The following PPAT variants were observed in gnomAD, a reference collection of about 807,000 sequenced individuals.
PPAT encodes the protein phosphoribosyl pyrophosphate amidotransferase, also known as amidophosphoribosyltransferase.
A neutral mutation model predicts 60.2 loss-of-function variants in PPAT; 20 were observed. That is an observed-to-expected ratio of 0.33 (90% CI 0.23 to 0.48). The LOEUF (loss-of-function observed/expected upper bound fraction) is 0.48. PPAT is among the 20% of genes least tolerant of loss of function. The pLI is 0.99. For missense variants in PPAT, 349 were observed against 629.6 expected (o/e 0.55, Z 4.77); for synonymous variants, 194 against 215.1 (o/e 0.90, Z 0.86).
intron 1 of PPAT, among the ~76,000 whole-genome samples, chr4:56,408,628 C>A (rs1716312152): frequency 6.6e-6 from 1 of 151,100 alleles, no homozygotes; most frequent in African/African-American, 2.4e-5. Context: ...GTGGCGGGCG[C>A]CTGTCGTCCC....
rs996057250 is a variant in PPAT, at chr4:56,402,168, T to C, written c.675A>G (p.Ser225=). ...SDINDKEKKT[S]ETEGWVVSSE... The stretch of plus-strand genomic sequence containing the variant: ...AAGACACCACCCATCCTTCTGTTTC[T>C]GATGTTTTTTTCTCTGTAAATCACA... Residue 225 remains serine, a synonymous_variant, in exon 6 of 11, where the codon TCA becomes TCG. Transcript: ENST00000264220. 12 of 1,605,752 alleles carry C rather than the reference T, an allele frequency of 7.5e-6. No homozygotes were observed. The Admixed American group carries it at 1.7e-4, about 22-fold the overall frequency.
At chr4:56,425,522 C>A in intron 1 of PPAT, 1 of 218,952 alleles carries the variant, frequency 4.6e-6, no homozygotes, top group Non-Finnish European at 7.7e-6. Flanking sequence ...CTAATTTGTA[C>A]TGTTGGTAAT....
chr4:56,434,062 G>C (rs192883084), intron 1 of PPAT, among the ~76,000 whole-genome samples: 14 of 151,976 alleles, frequency 9.2e-5, no homozygotes, highest in African/African-American at 3.4e-4. Context: ...TTTCTCCTTG[G>C]ATTACGTAAC....
At chr4:56,397,849 T>C (rs917223226) in intron 9 of PPAT, among the ~76,000 whole-genome samples, 1 of 152,054 alleles carries the variant, frequency 6.6e-6, no homozygotes, top group African/African-American at 2.4e-5. Context: ...GAGATCAGCA[T>C]GGGCAACATG....
chr4:56,435,390 G>T lies in PPAT; in HGVS notation c.88C>A (p.Pro30Thr). 1 of 1,613,840 alleles carries T rather than the reference G, an allele frequency of 6.2e-7. No homozygotes were observed. Among genetic ancestry groups the T allele is most frequent in the Non-Finnish European group, 8.5e-7 (1 of 1,179,826 alleles). The change falls in exon 1 of 11, where the codon CCG (proline) becomes ACG (threonine). Residue 30 changes from proline to threonine, a missense_variant. Pro to Thr is a conservative substitution (Grantham distance 38). Transcript: ENST00000264220. Reference protein sequence around the residue: ...SGEWPTQLDVPHVITLGLVGL... With the variant: ...SGEWPTQLDVTHVITLGLVGL... ...ACGAGTCCCAGAGTGATCACATGCG[G>T]TACATCCAGCTGCGTGGGCCACTCT...
rs769011905 is a variant in PPAT, at chr4:56,435,514, C to A, written c.-37G>T. The A allele has an allele frequency of 6.8e-6, 11 of 1,612,332 alleles. No homozygotes were observed. The highest frequency in any genetic ancestry group is 1.1e-5 in the South Asian group (1 of 90,990). On this transcript the variant is annotated 5_prime_UTR_variant, in exon 1 of 11. Coordinates refer to ENST00000264220, the MANE Select transcript of PPAT (RefSeq NM_002703.5). ...AAGCACGTGGAAGGACCTGCCGCTGCGGCCAAGGTGTAAGCACCAACCAGC... is the reference window on the plus strand; with the variant it reads ...AAGCACGTGGAAGGACCTGCCGCTGAGGCCAAGGTGTAAGCACCAACCAGC...
chr4:56,401,957 G>C (rs1716123006), intron 6 of PPAT, 152 bp downstream of exon 6: 1 of 559,674 alleles, frequency 1.8e-6, no homozygotes, highest in African/African-American at 1.9e-5. Context: ...TGCAACTGCT[G>C]AGCATAACAT....
At chr4:56,424,196 A>G (rs1717178865) in intron 1 of PPAT, among the ~76,000 whole-genome samples, 1 of 152,228 alleles carries the variant, frequency 6.6e-6, no homozygotes, top group Non-Finnish European at 1.5e-5. Context: ...TCTTAAATGT[A>G]TGCTATAAGC....
intron 1 of PPAT, 123 bp from the exon 2 acceptor site, chr4:56,407,839 A>T: frequency 1.4e-6 from 1 of 722,816 alleles, no homozygotes; most frequent in Non-Finnish European, 2.5e-6. Context: ...ATTAAATGCT[A>T]CTTGTACTAG....
chr4:56,433,837 G>A (rs955438132), intron 1 of PPAT, among the ~76,000 whole-genome samples: 2 of 152,140 alleles, frequency 1.3e-5, no homozygotes, highest in South Asian at 2.1e-4. Flanking sequence ...TAGGACTACA[G>A]GAGCGCATCA....
chr4:56,428,985 A>C lies in PPAT; in HGVS notation c.128+6365T>G, dbSNP rs570756329. ...AAAAGCCAAGGAACTTTGAGCTTCA[A>C]GAGAAAAGCACATGAAGATGGTAAG... On this transcript the variant is annotated intron_variant, in intron 1 of 10. Transcript: ENST00000264220. The C allele has an allele frequency of 1.0e-5, 10 of 978,026 alleles. No homozygotes were observed. In the South Asian group the frequency reaches 4.7e-4, roughly 46 times the overall value. The allele number at this position is 978,026 out of a possible 1,614,324, so 60.6% of individuals were successfully genotyped here. A position where few individuals can be genotyped will look rare whatever the true frequency, so the allele number is the denominator to read the frequency against.
intron 10 of PPAT, among the ~76,000 whole-genome samples, 155 bp from the exon 11 acceptor site, chr4:56,395,703 TA>T (rs1415815125): frequency 6.7e-6 from 1 of 149,928 alleles, no homozygotes; most frequent in Middle Eastern, 3.2e-3. Flanking sequence ...AAAAAATCAA[TA>T]AAACTCAGTT....
At chr4:56,402,904 T>A in intron 5 of PPAT, 136 bp downstream of exon 5, 1 of 523,632 alleles carries the variant, frequency 1.9e-6, no homozygotes, top group Non-Finnish European at 2.9e-6. Flanking sequence ...AAAGGAAGAA[T>A]ACATTTATTT....
intron 6 of PPAT, among the ~76,000 whole-genome samples, chr4:56,401,721 G>C (rs1192103212): frequency 6.6e-6 from 1 of 151,916 alleles, no homozygotes; most frequent in Non-Finnish European, 1.5e-5. Context: ...AAGTTGTATT[G>C]AATTTTAAAA....
intron 8 of PPAT, chr4:56,400,567 G>T (rs921224785): frequency 7.3e-6 from 3 of 411,906 alleles, no homozygotes; most frequent in Non-Finnish European, 1.3e-5. Flanking sequence ...TTTAGTGAAC[G>T]TTTTTTTCTT....
intron 1 of PPAT, among the ~76,000 whole-genome samples, chr4:56,434,795 C>G (rs1330025760): frequency 6.6e-6 from 1 of 152,238 alleles, no homozygotes; most frequent in Non-Finnish European, 1.5e-5. Context: ...AGTCATCTTT[C>G]CCTGGGTCTG....
At chr4:56,423,109 C>G (rs1717125561) in intron 1 of PPAT, 1 of 152,198 alleles carries the variant, frequency 6.6e-6, no homozygotes, top group Admixed American at 6.5e-5. Context: ...ATCACCAAGC[C>G]CCCAAGCTGA....
At chr4:56,406,746 C>G (rs746674453) in intron 2 of PPAT, 45 bp from the exon 3 acceptor site, 2 of 1,384,446 alleles carry the variant, frequency 1.4e-6, no homozygotes, top group African/African-American at 1.4e-5. Context: ...CAGACTAGTA[C>G]TGCTAGTAAT....
At chr4:56,406,772 C>T (rs1716252689) in intron 2 of PPAT, 71 bp from the exon 3 acceptor site, 6 of 1,044,552 alleles carry the variant, frequency 5.7e-6, no homozygotes, top group Non-Finnish European at 8.6e-6. Flanking sequence ...CCTCTCTTCT[C>T]TGCCCAGCCA....
Sources: gnomAD v4.1 joint callset for allele counts (sites outside exome capture counted in the v4.1 genomes callset) on GRCh38, gnomAD v4.1.1 for gene constraint, MANE v1.5 for transcripts, NCBI Gene and HGNC (gene_info 2026-07-23, HGNC 2026-07-21) for gene names.